UGT1A6: variants seen among roughly 807,000 people sequenced by gnomAD.
UGT1A6 encodes UDP-glucuronosyltransferase 1A6.
In UGT1A6, 32 loss-of-function variants were observed where a neutral mutation model predicts 44.4. The observed-to-expected ratio is 0.72, with a 90% CI of 0.54 to 0.97. UGT1A6 has a LOEUF of 0.97. UGT1A6 is among the 50% of genes least tolerant of loss of function. The probability of loss-of-function intolerance (pLI) is 0.00; values close to 1 mark genes in which losing one functional copy is unlikely to be tolerated. For missense variants in UGT1A6, 685 were observed against 661.9 expected, an observed-to-expected ratio of 1.03 and a Z score of -0.38; for synonymous variants, 238 against 248.5, an observed-to-expected ratio of 0.96 and a Z score of 0.40.
chr2:233,696,615 T>G (rs2075352181), intron 1 of UGT1A6, among the ~76,000 whole-genome samples: 1 of 152,234 alleles, frequency 6.6e-6, no homozygotes, highest in Non-Finnish European at 1.5e-5. Flanking sequence ...CCTTTCTTTC[T>G]TTCTTTCTCT....
chr2:233,747,983 C>T (rs539831908), intron 1 of UGT1A6: 1 of 1,613,300 alleles, frequency 6.2e-7, no homozygotes, highest in Non-Finnish European at 8.5e-7. Flanking sequence ...TGTGGCTGTT[C>T]CGAGGGGACT....
chr2:233,694,007 C>T (rs1054591616), intron 1 of UGT1A6, 142 bp downstream of exon 1: 26 of 1,457,592 alleles, frequency 1.8e-5, no homozygotes, highest in African/African-American at 8.5e-5. Context: ...CTCGGAGCAG[C>T]GGGAACACAT....
At chr2:233,758,025 T>G (rs1696779079) in intron 1 of UGT1A6, among the ~76,000 whole-genome samples, 1 of 152,184 alleles carries the variant, frequency 6.6e-6, no homozygotes, top group Non-Finnish European at 1.5e-5. Context: ...TCTGTCTACC[T>G]GACCCCTCCT....
At chr2:233,694,877 T>C (rs1192899397) in intron 1 of UGT1A6, among the ~76,000 whole-genome samples, 1 of 152,212 alleles carries the variant, frequency 6.6e-6, no homozygotes, top group African/African-American at 2.4e-5. Context: ...TTGTACACAT[T>C]TGGGGGGTTC....
rs751560477 is a variant in UGT1A6 at position 233,754,882 on chromosome 2, G to T, written c.862-12152G>T. 3 of 1,352,084 alleles carry T rather than the reference G, an allele frequency of 2.2e-6. No homozygotes were observed. The African/African-American group carries it at 4.4e-5, about 20-fold the overall frequency. The allele number at this position is 1,352,084 out of a possible 1,614,324, so 83.8% of individuals were successfully genotyped here. On this transcript the variant is annotated intron_variant, in intron 1 of 4. Transcript: ENST00000305139. ...GCAGACCCTCTGCTTCTGCTTCCCA[G>T]GGAGTTCCTCTGACCCCCCAAAATA...
At chr2:233,758,936 A>G (rs3755319) in intron 1 of UGT1A6, among the ~76,000 whole-genome samples, 2 of 152,038 alleles carry the variant, frequency 1.3e-5, no homozygotes, top group Non-Finnish European at 2.9e-5. Context: ...TTGACTTCAA[A>G]TCAGTCATCA....
intron 1 of UGT1A6, among the ~76,000 whole-genome samples, chr2:233,735,103 C>T (rs4467260): frequency 0.55 from 84,293 of 151,900 alleles, 25,602 homozygotes; most frequent in African/African-American, 0.82. Context: ...TGTCTAATAT[C>T]GACAGTGGGA....
chr2:233,746,863 GATAA>G lies in UGT1A6; in HGVS notation c.862-20169_862-20166del, dbSNP rs761863158. 2.4e-3 allele frequency among the ~76,000 whole-genome samples: 366 copies of G among 151,888 alleles called. 1 individual carries two copies. The highest frequency in any genetic ancestry group is 3.4e-3 in the Non-Finnish European group (229 of 68,012). The stretch of plus-strand genomic sequence containing the variant: ...ACCTCTCAGACCTCAGCTGCAGCCT[GATAA>G]ACGTGGTTAACAGAGAAGTAGGAGG... On this transcript the variant is annotated intron_variant, in intron 1 of 4. Transcript: ENST00000305139.
At chr2:233,700,152 G>T (rs1277550214) in intron 1 of UGT1A6, among the ~76,000 whole-genome samples, 1 of 152,160 alleles carries the variant, frequency 6.6e-6, no homozygotes, top group African/African-American at 2.4e-5. Context: ...CCCTATAGGG[G>T]TCTTTACAAG....
At chr2:233,719,615 C>A (rs2076787703) in intron 1 of UGT1A6, 1 of 1,614,016 alleles carries the variant, frequency 6.2e-7, no homozygotes, top group Non-Finnish European at 8.5e-7. Flanking sequence ...TGATGGACTA[C>A]CCCAGGCCGA....
chr2:233,755,203 A>T, intron 1 of UGT1A6: 1 of 1,097,556 alleles, frequency 9.1e-7, no homozygotes, highest in African/African-American at 1.6e-5. Flanking sequence ...AGCTTGCGGT[A>T]CGCCTTCTTG....
chr2:233,761,146 T>C lies in UGT1A6; in HGVS notation c.862-5888T>C, dbSNP rs1337384419. On this transcript the variant is annotated intron_variant, in intron 1 of 4. Coordinates refer to ENST00000305139, the MANE Select transcript of UGT1A6 (RefSeq NM_001072.4). ...CAACTGCCTTCACCAAAATCCACTATCCCAGGTGTGTATTGGAGTGGGACT... is the reference window on the plus strand; with the variant it reads ...CAACTGCCTTCACCAAAATCCACTACCCCAGGTGTGTATTGGAGTGGGACT... 8.1e-6 allele frequency: 13 copies of C among 1,614,114 alleles called. No individual in the cohort carries two copies. The highest frequency in any genetic ancestry group is 4.0e-5 in the African/African-American group (3 of 74,946).
chr2:233,746,472 A>G (rs1693402163), intron 1 of UGT1A6, among the ~76,000 whole-genome samples: 1 of 151,654 alleles, frequency 6.6e-6, no homozygotes, highest in Admixed American at 6.6e-5. Flanking sequence ...GGTTCCAGAA[A>G]CACTTTCCAT....
chr2:233,765,344 A>G (rs1008293425), intron 1 of UGT1A6, among the ~76,000 whole-genome samples: 8 of 152,240 alleles, frequency 5.3e-5, no homozygotes, highest in Non-Finnish European at 1.0e-4. Flanking sequence ...TAACAAAGTC[A>G]TGGAACCAAC....
At position 233,767,074 on chromosome 2, in the gene UGT1A6, T is replaced by C. The variant is rs747099261; in HGVS notation, c.902T>C (p.Ile301Thr). Residue 301 changes from isoleucine to threonine, a missense_variant, in exon 2 of 5, where the codon ATT becomes ACT. Transcript: ENST00000305139. The part of the protein sequence containing the change: ...AYINASGEHG[I>T]VVFSLGSMVS... ...ATTAATGCTTCTGGAGAACATGGAA[T>C]TGTGGTTTTCTCTTTGGGATCAATG... is the stretch of plus-strand genomic sequence containing the variant. 2.5e-6 allele frequency: 4 copies of C among 1,614,130 alleles called. No individual in the cohort carries two copies. The highest frequency in any genetic ancestry group is 1.1e-5 in the South Asian group (1 of 91,076).
At chr2:233,729,870 T>A in intron 1 of UGT1A6, 1 of 1,613,848 alleles carries the variant, frequency 6.2e-7, no homozygotes, top group South Asian at 1.1e-5. Context: ...TGGTGGATAT[T>A]CTCAGTCATG....
At chr2:233,722,148 A>T (rs2076994067) in intron 1 of UGT1A6, 1 of 162,512 alleles carries the variant, frequency 6.2e-6, no homozygotes, top group Non-Finnish European at 1.3e-5. Flanking sequence ...CTCCTGCAGG[A>T]CAAGATGTGT....
At chr2:233,770,519 A>C (rs1327661350) in intron 4 of UGT1A6, 1 of 152,120 alleles carries the variant, frequency 6.6e-6, no homozygotes, top group South Asian at 2.1e-4. Context: ...TTACCCAGGC[A>C]TGGTGGTGTA....
At chr2:233,726,821 A>G (rs4294999) in intron 1 of UGT1A6, among the ~76,000 whole-genome samples, 81,640 of 151,974 alleles carry the variant, frequency 0.54, 23,585 homozygotes, top group African/African-American at 0.76. Context: ...CCTCTATTCG[A>G]CCATTTAAAT....
Sources: allele counts gnomAD v4.1 joint callset (sites outside exome capture counted in the v4.1 genomes callset), GRCh38; gene constraint gnomAD v4.1.1; transcripts MANE v1.5; gene names NCBI Gene and HGNC (gene_info 2026-07-23, HGNC 2026-07-21).